Variants in HMGXB3 observed in about 807,000 individuals in gnomAD.
HMGXB3 encodes the protein HMG domain-containing protein 3.
In HMGXB3, 45 loss-of-function variants were observed where a neutral mutation model predicts 121.5. The ratio of observed to expected loss-of-function variants is 0.37; its 90% CI spans 0.29 to 0.47. The LOEUF is 0.47. Ranked by LOEUF, HMGXB3 falls within the 20% of genes least tolerant of loss-of-function variation. The pLI is 0.99. For missense variants in HMGXB3, 1,376 were observed against 1,602.2 expected (o/e 0.86, Z 2.41); for synonymous variants, 590 against 624.1 (o/e 0.95, Z 0.81).
chr5:150,050,134 A>G (rs977706431), intron 18 of HMGXB3, 118 bp from the exon 19 acceptor site: 28 of 863,184 alleles, frequency 3.2e-5, no homozygotes, highest in Non-Finnish European at 3.9e-5. Context: ...CAGGATGGCC[A>G]TGGCTTCGGC....
At chr5:150,023,099 G>A (rs1047145813) in intron 6 of HMGXB3, among the ~76,000 whole-genome samples, 2 of 151,128 alleles carry the variant, frequency 1.3e-5, no homozygotes, top group Admixed American at 1.3e-4. Flanking sequence ...AAAGACTTAG[G>A]ATCACGGGCA....
rs1561849467 is a variant in HMGXB3 at position 150,008,293 on chromosome 5, T to TTCTTGGC, written c.312+1647_312+1648insCTTGGCT. On this transcript the variant is annotated intron_variant, in intron 3 of 19. Transcript: ENST00000502717. ...CACTGCCACCAAGAACATGAGTAGG[T>TTCTTGGC]TAGTTCTGATAATAGCTGAGTGACC... Among the ~76,000 whole-genome samples, 1,001 of 152,210 alleles carry TTCTTGGC rather than the reference T, an allele frequency of 6.6e-3. 14 individuals are homozygous for TTCTTGGC. Among genetic ancestry groups the TTCTTGGC allele is most frequent in the African/African-American group, 0.023 (950 of 41,522 alleles).
Position 150,026,708 on chromosome 5 carries a change from C to T in HMGXB3, c.1463C>T (p.Ala488Val), listed in dbSNP as rs6579767. The T allele has an allele frequency of 0.8, 1,241,108 of 1,547,444 alleles. 500,239 individuals are homozygous for T. The highest frequency in any genetic ancestry group is 0.96 in the African/African-American group (69,897 of 72,796). The change falls in exon 8 of 20, where the codon GCT becomes GTT. Residue 488 changes from alanine (A) to valine (V), a missense_variant and splice_region_variant. Ala to Val is a moderately conservative substitution (Grantham distance 64). Transcript: ENST00000502717. ...PLPAPKKPTG[A>V]DLLTPGSRAP... ...ATTTCTCTTCTTATTCTTTTCAGAGCTGACCTGCTTACCCCTGGGTCCAGA... is the reference window on the plus strand; with the variant it reads ...ATTTCTCTTCTTATTCTTTTCAGAGTTGACCTGCTTACCCCTGGGTCCAGA...
chr5:150,012,401 AT>A, intron 5 of HMGXB3, 48 bp downstream of exon 5: 32 of 1,264,438 alleles, frequency 2.5e-5, no homozygotes, highest in Middle Eastern at 1.8e-4. Context: ...TGTCATAAGC[AT>A]TTTTTTTCTA....
At chr5:150,024,238 T>C (rs1756168155) in intron 6 of HMGXB3, 24 bp from the exon 7 acceptor site, 1 of 1,493,804 alleles carries the variant, frequency 6.7e-7, no homozygotes, top group South Asian at 1.4e-5. Flanking sequence ...CCCTTATGTA[T>C]ACAAGGTATT....
chr5:150,032,131 A>G (rs921733783), intron 10 of HMGXB3, among the ~76,000 whole-genome samples: 1 of 152,172 alleles, frequency 6.6e-6, no homozygotes, highest in African/African-American at 2.4e-5. Flanking sequence ...CACCAGTCTC[A>G]AGCACTCTTT....
At chr5:150,018,809 A>C in intron 6 of HMGXB3, 112 bp downstream of exon 6, 1 of 958,222 alleles carries the variant, frequency 1.0e-6, no homozygotes, top group Non-Finnish European at 1.5e-6. Flanking sequence ...CTGTCTGACT[A>C]TACAAGTAAA....
chr5:150,045,657 C>G lies in HMGXB3; in HGVS notation c.2922C>G (p.Asp974Glu). ...CTGTGGTCGTCAACACTGAGAAAGA[C>G]AAAAACCTGGATGTGCAGCCAGTAC... ...RGAVVVNTEK[D>E]KNLDVQPVPG... Residue 974 changes from aspartate to glutamate, a missense_variant, in exon 16 of 20, where the codon GAC becomes GAG. Transcript: ENST00000502717. 1.3e-6 allele frequency: 2 copies of G among 1,551,704 alleles called. No individual in the cohort carries two copies. Among genetic ancestry groups the G allele is most frequent in the Non-Finnish European group, 1.7e-6 (2 of 1,146,996 alleles).
At chr5:150,007,968 G>T (rs909803157) in intron 3 of HMGXB3, among the ~76,000 whole-genome samples, 3 of 151,702 alleles carry the variant, frequency 2.0e-5, no homozygotes, top group Admixed American at 2.0e-4. Flanking sequence ...GATGTGGGAG[G>T]ATCACTTGAG....
chr5:150,047,796 G>T, intron 17 of HMGXB3, 39 bp downstream of exon 17: 1 of 1,550,140 alleles, frequency 6.5e-7, no homozygotes, highest in South Asian at 1.2e-5. Flanking sequence ...GGGGCTTCTG[G>T]AGTAGGCTGA....
At chr5:150,048,465 T>C in intron 17 of HMGXB3, 104 bp from the exon 18 acceptor site, 1 of 810,286 alleles carries the variant, frequency 1.2e-6, no homozygotes, top group South Asian at 1.5e-5. Flanking sequence ...ACCCAGGCAG[T>C]TTATTCTTTT....
intron 1 of HMGXB3, among the ~76,000 whole-genome samples, chr5:150,003,960 CAAAA>C (rs753904866): frequency 6.6e-6 from 1 of 150,498 alleles, no homozygotes; most frequent in Admixed American, 6.6e-5. Flanking sequence ...AAAACAAAAA[CAAAA>C]AACCCAAAAA....
intron 13 of HMGXB3, among the ~76,000 whole-genome samples, chr5:150,039,756 T>C (rs1756582602): frequency 7.5e-6 from 1 of 133,226 alleles, no homozygotes; most frequent in Admixed American, 7.5e-5. Context: ...GGGGGCGTCA[T>C]GACTTTTGCT....
At chr5:150,018,412 A>G (rs1263503335) in intron 5 of HMGXB3, among the ~76,000 whole-genome samples, 154 bp from the exon 6 acceptor site, 1 of 152,132 alleles carries the variant, frequency 6.6e-6, no homozygotes, top group African/African-American at 2.4e-5. Context: ...AATTTGTTGT[A>G]TTGTAGGACC....
chr5:150,012,710 C>G (rs1289632195), intron 5 of HMGXB3, among the ~76,000 whole-genome samples: 1 of 152,140 alleles, frequency 6.6e-6, no homozygotes, highest in African/African-American at 2.4e-5. Context: ...TGTGATCGTA[C>G]AGATTAGGAA....
intron 9 of HMGXB3, among the ~76,000 whole-genome samples, chr5:150,028,553 ATATATATTTTTT>A (rs1561869907): frequency 8.5e-5 from 5 of 59,096 alleles, no homozygotes; most frequent in African/African-American, 4.7e-4. Context: ...ATATATATAT[ATATATATTTTTT>A]TTTTTTTTTT....
In HMGXB3 at chr5:150,041,860, TC is replaced by T; in HGVS notation, c.2622del (p.Thr875LeufsTer8). The stretch of plus-strand genomic sequence containing the variant: ...AATGGCTATTGGGCCTTTGAGTGCC[TC>T]ACTGTCCGAGACTACAATGACATGA... ...LCNGYWAFEC[L>X]TVRDYNDMIC... On this transcript the variant is annotated frameshift_variant, in exon 15 of 20. Transcript: ENST00000502717. LOFTEE classifies it high-confidence loss of function. 1 of 1,551,718 alleles carries T rather than the reference TC, an allele frequency of 6.4e-7. No homozygotes were observed. The highest frequency in any genetic ancestry group is 1.7e-4 in the Middle Eastern group (1 of 5,992).
At chr5:150,001,430 C>G (rs1379370025) in intron 1 of HMGXB3, among the ~76,000 whole-genome samples, 3 of 152,218 alleles carry the variant, frequency 2.0e-5, no homozygotes, top group African/African-American at 7.2e-5. Flanking sequence ...CAAACTGTGG[C>G]CCATGGCTGA....
At chr5:150,025,547 A>G (rs1475935755) in intron 7 of HMGXB3, among the ~76,000 whole-genome samples, 2 of 151,828 alleles carry the variant, frequency 1.3e-5, no homozygotes, top group Non-Finnish European at 2.9e-5. Flanking sequence ...ACATACTTCT[A>G]CATCTTGTTT....
Sources: allele counts gnomAD v4.1 joint callset (sites outside exome capture counted in the v4.1 genomes callset), GRCh38; gene constraint gnomAD v4.1.1; transcripts MANE v1.5; gene names NCBI Gene and HGNC (gene_info 2026-07-23, HGNC 2026-07-21).